The following SRSF4 variants were observed in gnomAD, a reference collection of about 807,000 sequenced individuals.
SRSF4 encodes serine and arginine rich splicing factor 4, also known as serine/arginine-rich splicing factor 4.
Under a neutral mutation model 48.8 loss-of-function variants are expected in SRSF4, and 12 were observed. That is an observed-to-expected ratio of 0.25 (90% confidence interval 0.16 to 0.40). The LOEUF is 0.40. Ranked by LOEUF, SRSF4 falls within the 10% of genes least tolerant of loss-of-function variation. The pLI is 1.00. For missense variants in SRSF4, 466 were observed against 667.1 expected (o/e 0.70, Z 3.32); for synonymous variants, 248 against 232.5 (o/e 1.07, Z -0.61).
At chr1:29,150,076 C>T (rs1367860287) in intron 5 of SRSF4, 27 bp downstream of exon 5, 2 of 1,592,650 alleles carry the variant, frequency 1.3e-6, no homozygotes, top group East Asian at 2.2e-5. Context: ...CTGCTGACCA[C>T]CTCTACTTAT....
chr1:29,163,254 A>T (rs1379265564), intron 1 of SRSF4, among the ~76,000 whole-genome samples: 1 of 152,218 alleles, frequency 6.6e-6, no homozygotes, highest in Non-Finnish European at 1.5e-5. Flanking sequence ...TTTTGGGGGT[A>T]TCCAAAACAT....
chr1:29,154,622 A>C (rs1672469878), intron 4 of SRSF4, 74 bp downstream of exon 4: 2 of 1,425,460 alleles, frequency 1.4e-6, no homozygotes, highest in Non-Finnish European at 1.9e-6. Flanking sequence ...CAACAGGAAA[A>C]TGTAAATAAA....
chr1:29,174,256 A>G (rs1225838030), intron 1 of SRSF4, among the ~76,000 whole-genome samples: 1 of 152,202 alleles, frequency 6.6e-6, no homozygotes, highest in East Asian at 1.9e-4. Context: ...GTGGAAACGT[A>G]AATATTAATT....
chr1:29,176,595 G>C (rs1672857421), intron 1 of SRSF4, among the ~76,000 whole-genome samples: 2 of 152,066 alleles, frequency 1.3e-5, no homozygotes, highest in Non-Finnish European at 2.9e-5. Flanking sequence ...AAGAATTCAG[G>C]AGTCAAAAGA....
chr1:29,156,660 T>C (rs1384949221), intron 3 of SRSF4, among the ~76,000 whole-genome samples: 3 of 152,150 alleles, frequency 2.0e-5, no homozygotes, highest in African/African-American at 7.2e-5. Context: ...CTCAATTATC[T>C]ATTACTCTCG....
At chr1:29,166,577 C>T (rs1017492673) in intron 1 of SRSF4, among the ~76,000 whole-genome samples, 5 of 152,186 alleles carry the variant, frequency 3.3e-5, no homozygotes, top group African/African-American at 4.8e-5. Context: ...TGTTTACAAC[C>T]CACAACTAAA....
intron 1 of SRSF4, among the ~76,000 whole-genome samples, chr1:29,175,004 AAAG>A (rs146016643): frequency 0.026 from 3,987 of 151,810 alleles, 154 homozygotes; most frequent in African/African-American, 0.092. Context: ...AAAAAAAAGA[AAAG>A]AAGAGAGACA....
At chr1:29,158,475 G>A (rs1672535527) in intron 3 of SRSF4, among the ~76,000 whole-genome samples, 1 of 151,062 alleles carries the variant, frequency 6.6e-6, no homozygotes, top group African/African-American at 2.4e-5. Context: ...TACTGCCCAG[G>A]CTGGAGTGCA....
At position 29,160,378 on chromosome 1, in the gene SRSF4, G is replaced by C. The variant is rs907485331; in HGVS notation, c.247C>G (p.Arg83Gly). Residue 83 changes from arginine to glycine, a missense_variant, in exon 2 of 6, where the codon CGC (arginine) becomes GGC (glycine). By Grantham distance (125) the Arg-to-Gly change is moderately radical (BLOSUM62 -2). Coordinates refer to ENST00000373795, the MANE Select transcript of SRSF4 (RefSeq NM_005626.5). Reference protein sequence around the residue: ...PRRDGSYGSGRSGYGYRRSGR... With the variant: ...PRRDGSYGSGGSGYGYRRSGR... ...AGTATGCCCTTTGAATGCTTACTGC[G>C]TCCAGAACCGTAACTGCCATCTCGC... The C allele has an allele frequency of 6.2e-7, 1 of 1,612,636 alleles. No individual in the cohort carries two copies. The highest frequency in any genetic ancestry group is 1.3e-5 in the African/African-American group (1 of 74,812).
In SRSF4 at chr1:29,148,006, A is replaced by C. The variant is rs1031894123; in HGVS notation, c.*404T>G. 2.4e-5 allele frequency: 11 copies of C among 451,966 alleles called. No individual in the cohort carries two copies. The highest frequency in any genetic ancestry group is 4.0e-5 in the African/African-American group (2 of 50,108). The allele number at this position is 451,966 out of a possible 1,614,324, so 28.0% of individuals were successfully genotyped here. ...CAAAGTGGTAGGAAACTTAAGACTT[A>C]GCACTTTCACTAAATGGCATACATC... On this transcript the variant is annotated 3_prime_UTR_variant, in exon 6 of 6. Coordinates refer to ENST00000373795, the MANE Select transcript of SRSF4 (RefSeq NM_005626.5).
chr1:29,179,080 G>A (rs1193263029), intron 1 of SRSF4, among the ~76,000 whole-genome samples: 1 of 152,082 alleles, frequency 6.6e-6, no homozygotes, highest in African/African-American at 2.4e-5. Context: ...GTCCTGAAAG[G>A]CTCTTTCCTC....
chr1:29,164,616 A>G (rs936883045), intron 1 of SRSF4, among the ~76,000 whole-genome samples: 1 of 152,224 alleles, frequency 6.6e-6, no homozygotes, highest in Non-Finnish European at 1.5e-5. Context: ...TTCTAACAGC[A>G]GAAATCCTTC....
chr1:29,154,607 G>C, intron 4 of SRSF4, 89 bp downstream of exon 4: 1 of 1,256,726 alleles, frequency 8.0e-7, no homozygotes, highest in Non-Finnish European at 1.1e-6. Context: ...ATGTTATTAA[G>C]AACTCAACAG....
At chr1:29,181,590 CCCA>C (rs1672959409) in intron 1 of SRSF4, 53 bp downstream of exon 1, 3 of 1,442,674 alleles carry the variant, frequency 2.1e-6, no homozygotes, top group Admixed American at 2.1e-5. Flanking sequence ...CCGCGGCCTC[CCCA>C]CCACCTATGG....
chr1:29,155,413 A>G (rs942507792), intron 3 of SRSF4, among the ~76,000 whole-genome samples: 3 of 152,118 alleles, frequency 2.0e-5, no homozygotes, highest in Non-Finnish European at 4.4e-5. Context: ...CCTGGGGTAC[A>G]GAGCAAGACC....
chr1:29,167,458 C>T (rs1242481884), intron 1 of SRSF4, among the ~76,000 whole-genome samples: 1 of 152,242 alleles, frequency 6.6e-6, no homozygotes, highest in Non-Finnish European at 1.5e-5. Flanking sequence ...AATCTTGGCT[C>T]ACTGCAGCCT....
At chr1:29,163,595 T>A (rs573803581) in intron 1 of SRSF4, among the ~76,000 whole-genome samples, 11 of 152,174 alleles carry the variant, frequency 7.2e-5, no homozygotes, top group African/African-American at 2.4e-4. Context: ...AGAAATAAAT[T>A]AAGACAGAAG....
chr1:29,158,156 G>A (rs1221060107), intron 3 of SRSF4, among the ~76,000 whole-genome samples: 3 of 150,214 alleles, frequency 2.0e-5, no homozygotes, highest in Non-Finnish European at 3.0e-5. Flanking sequence ...GCGAAAGGGC[G>A]AGACTCCATC....
chr1:29,155,303 G>A (rs746368876), intron 3 of SRSF4, among the ~76,000 whole-genome samples: 1 of 151,994 alleles, frequency 6.6e-6, no homozygotes, highest in Admixed American at 6.6e-5. Context: ...AGTGGCACAC[G>A]CCTGTGGTCC....
Sources: allele counts gnomAD v4.1 joint callset (sites outside exome capture counted in the v4.1 genomes callset), GRCh38; gene constraint gnomAD v4.1.1; transcripts MANE v1.5; gene names NCBI Gene and HGNC (gene_info 2026-07-23, HGNC 2026-07-21).